Variants in NALF1 observed in about 807,000 individuals in gnomAD.
The protein encoded by NALF1 is NALCN channel auxiliary factor 1.
Under a neutral mutation model 48.4 loss-of-function variants are expected in NALF1, and 3 were observed. The ratio of observed to expected loss-of-function variants is 0.06; its 90% CI spans 0.03 to 0.16. The LOEUF (loss-of-function observed/expected upper bound fraction) is 0.16. Among genes scored for constraint, NALF1 ranks in the 10% least tolerant of loss-of-function variants. NALF1 has a pLI of 1.00. For missense variants in NALF1, 526 were observed against 571.5 expected (o/e 0.92, Z 0.81); for synonymous variants, 262 against 245.7 (o/e 1.07, Z -0.62).
intron 1 of NALF1, among the ~76,000 whole-genome samples, chr13:107,635,644 C>T (rs1460143455): frequency 6.6e-6 from 1 of 152,146 alleles, no homozygotes; most frequent in Non-Finnish European, 1.5e-5. Context: ...ACTTCAATTC[C>T]TCCATCCATA....
intron 1 of NALF1, among the ~76,000 whole-genome samples, chr13:107,544,112 T>C (rs910203181): frequency 6.6e-6 from 1 of 152,108 alleles, no homozygotes; most frequent in Admixed American, 6.6e-5. Context: ...AATGAGATAA[T>C]TGAAATGTAC....
At chr13:107,329,843 T>C (rs1354412540) in intron 1 of NALF1, among the ~76,000 whole-genome samples, 1 of 152,208 alleles carries the variant, frequency 6.6e-6, no homozygotes, top group Non-Finnish European at 1.5e-5. Context: ...CTCATCATTT[T>C]TTATGGCTGC....
rs1880579731 is a variant in NALF1 at position 107,246,157 on chromosome 13, AG to A, written c.916-35403del. Among the ~76,000 whole-genome samples, 4 of 147,282 alleles carry A rather than the reference AG, an allele frequency of 2.7e-5. No homozygotes were observed. The South Asian group carries it at 8.4e-4, about 31-fold the overall frequency. ...TTGATTTAATTATAAGATAAGCATC[AG>A]GGGTAAATATAAAATATTTTCTTAC... On this transcript the variant is annotated intron_variant, in intron 1 of 2. Transcript: ENST00000375915.
chr13:107,511,866 G>A (rs932560856), intron 1 of NALF1, among the ~76,000 whole-genome samples: 2 of 151,980 alleles, frequency 1.3e-5, no homozygotes, highest in South Asian at 2.1e-4. Context: ...CTTCACCTCC[G>A]TCTAATGGCT....
At chr13:107,809,087 G>C (rs1427776858) in intron 1 of NALF1, among the ~76,000 whole-genome samples, 1 of 151,834 alleles carries the variant, frequency 6.6e-6, no homozygotes, top group Non-Finnish European at 1.5e-5. Flanking sequence ...TTTGACTCAG[G>C]GAAGCAGATT....
chr13:107,790,693 A>G (rs1180738280), intron 1 of NALF1, among the ~76,000 whole-genome samples: 2 of 152,212 alleles, frequency 1.3e-5, no homozygotes, highest in Non-Finnish European at 2.9e-5. Context: ...CAGCTGTTTC[A>G]CCATGTTCAT....
At chr13:107,739,014 G>A (rs1235046824) in intron 1 of NALF1, among the ~76,000 whole-genome samples, 1 of 152,068 alleles carries the variant, frequency 6.6e-6, no homozygotes, top group Non-Finnish European at 1.5e-5. Context: ...TATAATCAAA[G>A]AGCATGTTTG....
intron 1 of NALF1, among the ~76,000 whole-genome samples, chr13:107,843,100 C>T (rs1231836959): frequency 1.3e-5 from 2 of 152,206 alleles, no homozygotes; most frequent in African/African-American, 4.8e-5. Context: ...TTAATGAAGA[C>T]TCATGGTGGG....
chr13:107,537,632 G>A (rs1566383427), intron 1 of NALF1, among the ~76,000 whole-genome samples: 2 of 152,080 alleles, frequency 1.3e-5, no homozygotes. Flanking sequence ...AATCCACAGA[G>A]ACCCTGAGGA....
rs564589248 is a variant in NALF1, at chr13:107,377,797, CATCT to C, written c.916-167046_916-167043del. Among the ~76,000 whole-genome samples, 16 of 152,168 alleles carry C rather than the reference CATCT, an allele frequency of 1.1e-4. 2 individuals are homozygous for C. The South Asian group carries it at 2.9e-3, about 28-fold the overall frequency. On this transcript the variant is annotated intron_variant, in intron 1 of 2. Transcript: ENST00000375915. ...TGGAAATGCACAGAATAGAGATAGGCATCTATTTATTTTTAAAATGATCTAGCAG... is the reference window on the plus strand; with the variant it reads ...TGGAAATGCACAGAATAGAGATAGGCATTTATTTTTAAAATGATCTAGCAG...
chr13:107,291,073 T>G (rs1258025586), intron 1 of NALF1, among the ~76,000 whole-genome samples: 1 of 151,324 alleles, frequency 6.6e-6, no homozygotes, highest in African/African-American at 2.4e-5. Context: ...CTATCATTTC[T>G]TTCTCCTTAG....
chr13:107,814,815 T>C (rs1879115546), intron 1 of NALF1, among the ~76,000 whole-genome samples: 1 of 152,056 alleles, frequency 6.6e-6, no homozygotes, highest in Non-Finnish European at 1.5e-5. Flanking sequence ...TGAACAAACC[T>C]ATAAACCACC....
At chr13:107,826,070 T>A (rs1015577270) in intron 1 of NALF1, among the ~76,000 whole-genome samples, 1 of 152,312 alleles carries the variant, frequency 6.6e-6, no homozygotes, top group South Asian at 2.1e-4. Flanking sequence ...TGAGCCACCA[T>A]GCCCAGCCTT....
intron 1 of NALF1, among the ~76,000 whole-genome samples, chr13:107,288,219 C>CTTTTT (rs375800659): frequency 5.0e-4 from 62 of 125,128 alleles, no homozygotes; most frequent in African/African-American, 8.9e-4. Context: ...GATCTGAAGA[C>CTTTTT]TTTTTTTTTT....
chr13:107,750,677 A>G (rs1472688675), intron 1 of NALF1, among the ~76,000 whole-genome samples: 2 of 152,220 alleles, frequency 1.3e-5, no homozygotes, highest in Non-Finnish European at 2.9e-5. Context: ...CAGTCACTTA[A>G]TCCAAAATTC....
At chr13:107,629,761 C>T (rs990703232) in intron 1 of NALF1, among the ~76,000 whole-genome samples, 2 of 152,142 alleles carry the variant, frequency 1.3e-5, no homozygotes, top group Non-Finnish European at 2.9e-5. Context: ...ACAGTTTTTA[C>T]ACTTCATGAA....
At chr13:107,254,111 A>T (rs1443599616) in intron 1 of NALF1, among the ~76,000 whole-genome samples, 1 of 149,818 alleles carries the variant, frequency 6.7e-6, no homozygotes, top group East Asian at 2.0e-4. Flanking sequence ...GAATAAAATG[A>T]GTTAACAATC....
At chr13:107,736,934 C>A (rs1876485333) in intron 1 of NALF1, among the ~76,000 whole-genome samples, 2 of 152,206 alleles carry the variant, frequency 1.3e-5, no homozygotes, top group African/African-American at 4.8e-5. Context: ...GGGATTCCCA[C>A]ACAGCGAGGA....
intron 1 of NALF1, among the ~76,000 whole-genome samples, chr13:107,761,732 C>T (rs1291285763): frequency 6.6e-6 from 1 of 152,144 alleles, no homozygotes; most frequent in Non-Finnish European, 1.5e-5. Context: ...GGTTCCAACA[C>T]ATCAAACAAT....
Sources: allele counts gnomAD v4.1 joint callset (sites outside exome capture counted in the v4.1 genomes callset), GRCh38; gene constraint gnomAD v4.1.1; transcripts MANE v1.5; gene names NCBI Gene and HGNC (gene_info 2026-07-23, HGNC 2026-07-21).